Variants in MACC1 observed in about 807,000 individuals in gnomAD.
MACC1 encodes MET transcriptional regulator MACC1.
A neutral mutation model predicts 70.7 loss-of-function variants in MACC1; 79 were observed. The observed-to-expected ratio is 1.12, with a 90% CI of 0.93 to 1.35. The LOEUF (loss-of-function observed/expected upper bound fraction) is 1.35, where lower values mean the gene tolerates loss of function less well. Ranked by LOEUF, MACC1 falls within the 40% of genes most tolerant of loss-of-function variation. The pLI, the probability that MACC1 is intolerant of heterozygous loss-of-function variation, is 0.00. For missense variants in MACC1, 1,106 were observed against 978.1 expected, an observed-to-expected ratio of 1.13 and a Z score of -1.74; for synonymous variants, 361 against 347.2, an observed-to-expected ratio of 1.04 and a Z score of -0.44.
intron 6 of MACC1, among the ~76,000 whole-genome samples, chr7:20,141,617 C>T (rs1781803747): frequency 6.6e-6 from 1 of 151,924 alleles, no homozygotes; most frequent in Admixed American, 6.6e-5. Context: ...TTATTTTACT[C>T]GAGCAAGTCT....
Position 20,209,353 on chromosome 7 carries a change from G to A in MACC1, c.-218+7946C>T, listed in dbSNP as rs146348269. Among the ~76,000 whole-genome samples, 621 of 152,368 alleles carry A rather than the reference G, an allele frequency of 4.1e-3. 5 individuals are homozygous for A. Among genetic ancestry groups the A allele is most frequent in the African/African-American group, 0.014 (595 of 41,590 alleles). On this transcript the variant is annotated intron_variant, in intron 1 of 6. Transcript: ENST00000400331. ...TACCCTGCAAAACCACAGGGCTAGA[G>A]CTGCCCAAGGCCATAGGAGCCCACC...
At chr7:20,208,582 T>A (rs1328801828) in intron 1 of MACC1, among the ~76,000 whole-genome samples, 1 of 152,146 alleles carries the variant, frequency 6.6e-6, no homozygotes, top group African/African-American at 2.4e-5. Context: ...AGAAAAAATT[T>A]CTAAGTGGCA....
intron 1 of MACC1, among the ~76,000 whole-genome samples, chr7:20,178,825 C>A (rs556801515): frequency 6.6e-6 from 1 of 152,152 alleles, no homozygotes; most frequent in African/African-American, 2.4e-5. Flanking sequence ...GTCTCGAACT[C>A]CTGACCTCAG....
intron 1 of MACC1, among the ~76,000 whole-genome samples, chr7:20,201,085 G>C (rs1019887712): frequency 1.3e-5 from 2 of 152,056 alleles, no homozygotes; most frequent in African/African-American, 4.8e-5. Flanking sequence ...ATCTGAATTG[G>C]TGAATCAAAT....
intron 6 of MACC1, among the ~76,000 whole-genome samples, chr7:20,145,746 A>G (rs1305071529): frequency 1.3e-5 from 2 of 152,232 alleles, no homozygotes; most frequent in Non-Finnish European, 2.9e-5. Context: ...GCACAAAATT[A>G]GAGGGGCAAG....
chr7:20,191,989 G>A lies in MACC1; in HGVS notation c.-217-21211C>T, dbSNP rs1255016947. On this transcript the variant is annotated intron_variant, in intron 1 of 6. Coordinates refer to ENST00000400331, the MANE Select transcript of MACC1 (RefSeq NM_182762.4). ...TTGCTAAAGGATCATAATAATAAAC[G>A]AATAAATAAGATAATACGATGAAGG... Among the ~76,000 whole-genome samples the A allele has an allele frequency of 3.3e-5, 5 of 151,880 alleles. No individual in the cohort carries two copies. In the South Asian group the frequency reaches 6.2e-4, roughly 19 times the overall value.
chr7:20,212,119 G>A (rs573673998), intron 1 of MACC1, among the ~76,000 whole-genome samples: 28 of 152,314 alleles, frequency 1.8e-4, no homozygotes, highest in Non-Finnish European at 2.4e-4. Flanking sequence ...GGTAACCTTT[G>A]AGGGTGAAAA....
At position 20,151,258 on chromosome 7, in the gene MACC1, T is replaced by G. The variant is rs1402928624; in HGVS notation, c.2346+2935A>C. On this transcript the variant is annotated intron_variant, in intron 6 of 6. Transcript: ENST00000400331. ...CCAATTTAGGCCAGTGAATTTCTTATCTCTGAATCCCCAGCATGTCCCCTT... is the reference window on the plus strand; with the variant it reads ...CCAATTTAGGCCAGTGAATTTCTTAGCTCTGAATCCCCAGCATGTCCCCTT... Among the ~76,000 whole-genome samples the G allele has an allele frequency of 2.0e-5, 3 of 152,170 alleles. No homozygotes were observed. In the East Asian group the frequency reaches 5.8e-4, roughly 29 times the overall value.
intron 1 of MACC1, among the ~76,000 whole-genome samples, chr7:20,211,732 A>G (rs923922564): frequency 1.4e-4 from 22 of 152,232 alleles, no homozygotes; most frequent in African/African-American, 5.3e-4. Context: ...GAAGGTACAC[A>G]TGCCCACGGT....
chr7:20,175,641 T>C (rs758194380), intron 1 of MACC1, among the ~76,000 whole-genome samples: 44 of 152,252 alleles, frequency 2.9e-4, no homozygotes, highest in Non-Finnish European at 5.2e-4. Context: ...CACTGGTAAA[T>C]AACCAAGAAA....
intron 1 of MACC1, among the ~76,000 whole-genome samples, chr7:20,195,024 G>C (rs1183122696): frequency 3.3e-5 from 5 of 151,872 alleles, no homozygotes; most frequent in Non-Finnish European, 7.4e-5. Context: ...TTCATATAAA[G>C]CCACATATAA....
At chr7:20,210,228 T>C (rs1782976071) in intron 1 of MACC1, among the ~76,000 whole-genome samples, 1 of 152,164 alleles carries the variant, frequency 6.6e-6, no homozygotes, top group South Asian at 2.1e-4. Flanking sequence ...CATTATTTTA[T>C]AAAAGTCTAA....
chr7:20,189,235 A>T (rs1009902669), intron 1 of MACC1, among the ~76,000 whole-genome samples: 2 of 152,148 alleles, frequency 1.3e-5, no homozygotes, highest in African/African-American at 4.8e-5. Flanking sequence ...ATTTTTCTTC[A>T]TGTTACTCAC....
At chr7:20,216,754 T>G (rs532670887) in intron 1 of MACC1, among the ~76,000 whole-genome samples, 55 of 152,310 alleles carry the variant, frequency 3.6e-4, no homozygotes, top group African/African-American at 1.3e-3. Flanking sequence ...CATGATTATC[T>G]TTTATTCATA....
At chr7:20,210,716 C>A (rs1355067455) in intron 1 of MACC1, among the ~76,000 whole-genome samples, 1 of 152,172 alleles carries the variant, frequency 6.6e-6, no homozygotes, top group Non-Finnish European at 1.5e-5. Context: ...GGGATGGCAT[C>A]TTTCTTGTTC....
chr7:20,210,510 T>A (rs935683588), intron 1 of MACC1, among the ~76,000 whole-genome samples: 3 of 152,258 alleles, frequency 2.0e-5, no homozygotes, highest in African/African-American at 7.2e-5. Context: ...ACTGAATAAA[T>A]GAATGAATGA....
At chr7:20,216,833 T>C (rs573815140) in intron 1 of MACC1, among the ~76,000 whole-genome samples, 59 of 152,354 alleles carry the variant, frequency 3.9e-4, no homozygotes, top group Non-Finnish European at 7.1e-4. Context: ...ACTGAGACTT[T>C]GCGAGGTGAA....
intron 1 of MACC1, among the ~76,000 whole-genome samples, chr7:20,188,174 G>T (rs1782618538): frequency 6.6e-6 from 1 of 152,162 alleles, no homozygotes; most frequent in South Asian, 2.1e-4. Flanking sequence ...TCTCCACCTG[G>T]TTCCACTCTT....
At chr7:20,174,059 T>G (rs1366298599) in intron 1 of MACC1, among the ~76,000 whole-genome samples, 1 of 152,238 alleles carries the variant, frequency 6.6e-6, no homozygotes, top group East Asian at 1.9e-4. Context: ...CACTTAAGTG[T>G]GACTTCCTGA....
Sources: gnomAD v4.1 joint callset for allele counts (sites outside exome capture counted in the v4.1 genomes callset) on GRCh38, gnomAD v4.1.1 for gene constraint, MANE v1.5 for transcripts, NCBI Gene and HGNC (gene_info 2026-07-23, HGNC 2026-07-21) for gene names.